SLC39A11: variants seen among roughly 807,000 people sequenced by gnomAD.
The protein encoded by SLC39A11 is solute carrier family 39 member 11, also known as zinc transporter ZIP11.
Under a neutral mutation model 36.1 loss-of-function variants are expected in SLC39A11, and 33 were observed. The ratio of observed to expected loss-of-function variants is 0.91; its 90% CI spans 0.69 to 1.22. The LOEUF (loss-of-function observed/expected upper bound fraction) is 1.22, where lower values mean the gene tolerates loss of function less well. Ranked by LOEUF, SLC39A11 falls within the 50% of genes most tolerant of loss-of-function variation. The pLI is 0.00. For missense variants in SLC39A11, 432 were observed against 430.3 expected, an observed-to-expected ratio of 1.00 and a Z score of -0.03; for synonymous variants, 166 against 170.3, an observed-to-expected ratio of 0.97 and a Z score of 0.20.
At position 72,824,440 on chromosome 17, in the gene SLC39A11, C is replaced by T. The variant is rs137959423; in HGVS notation, c.601+25194G>A. Among the ~76,000 whole-genome samples, 82 of 151,170 alleles carry T rather than the reference C, an allele frequency of 5.4e-4. 4 individuals are homozygous for T. Among genetic ancestry groups the T allele is most frequent in the Middle Eastern group, 3.4e-3 (1 of 292 alleles). Reference sequence around the variant, plus strand: ...TCTCAGGTAGTTCTTTATAGCAATGCGAGAATGGACTAATATAGTAAATTG... The same window carrying T: ...TCTCAGGTAGTTCTTTATAGCAATGTGAGAATGGACTAATATAGTAAATTG... On this transcript the variant is annotated intron_variant, in intron 6 of 9. Transcript: ENST00000255559.
rs141650745 is a variant in SLC39A11, at chr17:72,818,427, C to T, written c.601+31207G>A. ...CACCTGCAGATGAAGTAGCTTGTTC[C>T]GAGAGGAATGACTTCACAAGGATGG... On this transcript the variant is annotated intron_variant, in intron 6 of 9. Transcript: ENST00000255559. Among the ~76,000 whole-genome samples, 5 of 152,118 alleles carry T rather than the reference C, an allele frequency of 3.3e-5. 1 individual carries two copies. The highest frequency in any genetic ancestry group is 1.9e-4 in the East Asian group (1 of 5,192).
At position 72,843,505 on chromosome 17, in the gene SLC39A11, C is replaced by T. The variant is rs574828843; in HGVS notation, c.601+6129G>A. Among the ~76,000 whole-genome samples the T allele has an allele frequency of 9.2e-5, 14 of 152,230 alleles. No individual in the cohort carries two copies. The South Asian group carries it at 1.9e-3, about 20-fold the overall frequency. On this transcript the variant is annotated intron_variant, in intron 6 of 9. Transcript: ENST00000255559. ...GAGCTCTTATGAATGGGATTAACAA[C>T]CTCATGAAATGAGACTCCAGAGAGT...
At chr17:72,882,615 T>G (rs1410587031) in intron 5 of SLC39A11, among the ~76,000 whole-genome samples, 2 of 152,112 alleles carry the variant, frequency 1.3e-5, no homozygotes, top group Non-Finnish European at 2.9e-5. Context: ...AGAATTCAGC[T>G]GGCCCGCTCT....
chr17:72,844,395 G>A (rs1386138316), intron 6 of SLC39A11, among the ~76,000 whole-genome samples: 7 of 152,204 alleles, frequency 4.6e-5, no homozygotes, highest in Admixed American at 2.6e-4. Flanking sequence ...GGGACCAGGC[G>A]CAGTGGCTCA....
intron 7 of SLC39A11, among the ~76,000 whole-genome samples, chr17:72,649,863 GA>G (rs143292786): frequency 0.011 from 1,606 of 151,716 alleles, 33 homozygotes; most frequent in African/African-American, 0.038. Flanking sequence ...AAAGTGCTGG[GA>G]TTATGGGCGT....
intron 7 of SLC39A11, chr17:72,712,959 G>A (rs1186088431): frequency 6.6e-6 from 1 of 152,176 alleles, no homozygotes; most frequent in Non-Finnish European, 1.5e-5. Context: ...TTAAGTCCAG[G>A]GCAGGAAACC....
chr17:72,809,199 T>TTCTCTCTCTCTCTCTCTCTC lies in SLC39A11; in HGVS notation c.601+40415_601+40434dup, dbSNP rs66472539. On this transcript the variant is annotated intron_variant, in intron 6 of 9. Coordinates refer to ENST00000255559, the MANE Select transcript of SLC39A11 (RefSeq NM_139177.4). ...GCTTAGATCATCTTCTTTCTTTTCTTTCTCTCTCTCTCTCTCTCTCTCTCT... is the reference window on the plus strand; with the variant it reads ...GCTTAGATCATCTTCTTTCTTTTCTTTCTCTCTCTCTCTCTCTCTCTCTCTCTCTCTCTCTCTCTCTCTCT... Among the ~76,000 whole-genome samples the TTCTCTCTCTCTCTCTCTCTC allele has an allele frequency of 4.0e-3, 404 of 102,278 alleles. No homozygotes were observed. The Middle Eastern group carries it at 0.04, about 10-fold the overall frequency. The allele number at this position is 102,278 out of a possible 152,430, so 67.1% of individuals were successfully genotyped here.
chr17:72,982,905 G>A (rs1022770680), intron 4 of SLC39A11, among the ~76,000 whole-genome samples: 2 of 152,170 alleles, frequency 1.3e-5, no homozygotes, highest in Non-Finnish European at 2.9e-5. Context: ...AGTGTTTGGA[G>A]TATAATGGGC....
intron 6 of SLC39A11, among the ~76,000 whole-genome samples, chr17:72,801,732 A>C (rs2077091643): frequency 3.3e-5 from 5 of 152,206 alleles, no homozygotes; most frequent in Admixed American, 3.3e-4. Flanking sequence ...TATGAGTAAC[A>C]AGGGATCTTT....
At chr17:72,777,873 G>GTATGTATA (rs1555669338) in intron 6 of SLC39A11, among the ~76,000 whole-genome samples, 1 of 123,118 alleles carries the variant, frequency 8.1e-6, no homozygotes, top group Non-Finnish European at 1.7e-5. Flanking sequence ...ATGTATATAT[G>GTATGTATA]TATGTATGTA....
At chr17:72,863,570 T>C (rs899940671) in intron 5 of SLC39A11, among the ~76,000 whole-genome samples, 1 of 152,142 alleles carries the variant, frequency 6.6e-6, no homozygotes, top group Non-Finnish European at 1.5e-5. Context: ...AAGTTTAATA[T>C]TAGAGTCTAC....
chr17:72,933,730 G>C (rs1288383310), intron 5 of SLC39A11, among the ~76,000 whole-genome samples: 1 of 152,142 alleles, frequency 6.6e-6, no homozygotes, highest in African/African-American at 2.4e-5. Flanking sequence ...ATGTTGGCCA[G>C]GCTGGTCTCA....
Position 72,716,992 on chromosome 17 carries a change from TACACACACACAC to T in SLC39A11, c.671+19646_671+19657del, listed in dbSNP as rs367641582. ...TCAAAAAAAAAAAAATATATATATA[TACACACACACAC>T]ACACACACACACACACACACATATA... On this transcript the variant is annotated intron_variant, in intron 7 of 9. Transcript: ENST00000255559. Among the ~76,000 whole-genome samples, 78 of 126,444 alleles carry T rather than the reference TACACACACACAC, an allele frequency of 6.2e-4. 2 individuals carry two copies. The highest frequency in any genetic ancestry group is 3.2e-3 in the Admixed American group (39 of 12,018). The allele number at this position is 126,444 out of a possible 152,430, so 83.0% of individuals were successfully genotyped here. A position where few individuals can be genotyped will look rare whatever the true frequency, so the allele number is the denominator to read the frequency against.
intron 4 of SLC39A11, among the ~76,000 whole-genome samples, chr17:73,015,833 C>T (rs553206507): frequency 2.0e-5 from 3 of 152,276 alleles, no homozygotes; most frequent in Admixed American, 6.5e-5. Flanking sequence ...CTGCCCGCTT[C>T]GGCCTTTTAA....
At chr17:72,865,412 A>G (rs772990044) in intron 5 of SLC39A11, among the ~76,000 whole-genome samples, 62 of 55,290 alleles carry the variant, frequency 1.1e-3, no homozygotes, top group Middle Eastern at 8.9e-3. Context: ...AAACTGCTCG[A>G]AAAAAAAAAA....
intron 4 of SLC39A11, among the ~76,000 whole-genome samples, chr17:73,028,809 TAAAAAA>T (rs59124161): frequency 8.8e-4 from 125 of 141,574 alleles, no homozygotes; most frequent in African/African-American, 3.3e-3. Context: ...CCAAAAGGTT[TAAAAAA>T]AAAAAAAAAA....
intron 4 of SLC39A11, among the ~76,000 whole-genome samples, chr17:72,981,625 G>GA (rs11346947): frequency 1.4e-5 from 2 of 139,902 alleles, no homozygotes; most frequent in African/African-American, 5.2e-5. Context: ...CCAAGTTGTA[G>GA]AAAAAAAATA....
At chr17:72,799,963 G>A (rs953053997) in intron 6 of SLC39A11, among the ~76,000 whole-genome samples, 28 of 151,980 alleles carry the variant, frequency 1.8e-4, no homozygotes, top group African/African-American at 6.3e-4. Context: ...AGACTCAGGC[G>A]GGCATCACGG....
At chr17:73,033,577 T>C (rs2058808788) in intron 3 of SLC39A11, among the ~76,000 whole-genome samples, 1 of 152,112 alleles carries the variant, frequency 6.6e-6, no homozygotes, top group Non-Finnish European at 1.5e-5. Context: ...ACTCTGCCTC[T>C]TAAAAATAAG....
Sources: gnomAD v4.1 joint callset for allele counts (sites outside exome capture counted in the v4.1 genomes callset) on GRCh38, gnomAD v4.1.1 for gene constraint, MANE v1.5 for transcripts, NCBI Gene and HGNC (gene_info 2026-07-23, HGNC 2026-07-21) for gene names.